Variants in PCDHA5 observed in about 807,000 individuals in gnomAD.
PCDHA5 encodes the protein protocadherin alpha 5.
In PCDHA5, 43 loss-of-function variants were observed where a neutral mutation model predicts 61.6. The observed-to-expected ratio is 0.70, with a 90% CI of 0.55 to 0.90. The LOEUF is 0.90. Among genes scored for constraint, PCDHA5 ranks in the 40% least tolerant of loss-of-function variants. The pLI, the probability that PCDHA5 is intolerant of heterozygous loss-of-function variation, is 0.00. For missense variants in PCDHA5, 1,298 were observed against 1,222.7 expected (o/e 1.06, Z -0.92); for synonymous variants, 627 against 543.9 (o/e 1.15, Z -2.13).
At chr5:140,835,660 C>T (rs1773814607) in intron 1 of PCDHA5, 8 of 1,613,932 alleles carry the variant, frequency 5.0e-6, no homozygotes, top group Middle Eastern at 1.7e-4. Flanking sequence ...CTGGTGGTTA[C>T]CGCGCGGGAC....
rs1317473064 is a variant in PCDHA5 at position 140,823,864 on chromosome 5, G to A, written c.2089G>A (p.Val697Met). 3 of 1,613,884 alleles carry A rather than the reference G, an allele frequency of 1.9e-6. No homozygotes were observed. Among genetic ancestry groups the A allele is most frequent in the African/African-American group, 1.3e-5 (1 of 75,056 alleles). Residue 697 changes from valine (V) to methionine (M), a missense_variant, in exon 1 of 4, where the codon GTG becomes ATG. By Grantham distance (21) the Val-to-Met change is conservative. Transcript: ENST00000529859. ...GPEAALVDVN[V>M]YLIIAICAVS... ...CGAGGCTGCCCTGGTGGATGTCAACGTGTACCTGATCATCGCCATCTGTGC... is the reference window on the plus strand; with the variant it reads ...CGAGGCTGCCCTGGTGGATGTCAACATGTACCTGATCATCGCCATCTGTGC...
chr5:140,836,692 T>C (rs1554136233), intron 1 of PCDHA5: 3 of 1,613,418 alleles, frequency 1.9e-6, no homozygotes, highest in Non-Finnish European at 2.5e-6. Flanking sequence ...ACAGACCTCA[T>C]GGCCTTCAGT....
chr5:140,877,409 G>C lies in PCDHA5; in HGVS notation c.2352+53282G>C, dbSNP rs782157769. The C allele has an allele frequency of 8.1e-6, 13 of 1,613,802 alleles. No homozygotes were observed. The highest frequency in any genetic ancestry group is 1.0e-5 in the Non-Finnish European group (12 of 1,179,880). Reference sequence around the variant, plus strand: ...GATGAGGCGGACGCTCCGCGCCACCGCCTGCTGGTGCTGGTGAAGGACCAC... The same window carrying C: ...GATGAGGCGGACGCTCCGCGCCACCCCCTGCTGGTGCTGGTGAAGGACCAC... On this transcript the variant is annotated intron_variant, in intron 1 of 3. Transcript: ENST00000529859.
intron 1 of PCDHA5, chr5:140,841,825 A>G (rs1422577295): frequency 5.0e-6 from 8 of 1,613,926 alleles, no homozygotes; most frequent in Non-Finnish European, 6.8e-6. Context: ...ACTCCGTGTT[A>G]ACCTACAGGC....
At chr5:140,917,127 C>T (rs1286418907) in intron 1 of PCDHA5, among the ~76,000 whole-genome samples, 1 of 152,072 alleles carries the variant, frequency 6.6e-6, no homozygotes, top group African/African-American at 2.4e-5. Context: ...CGCAGACTCC[C>T]CACGTTGCTC....
intron 1 of PCDHA5, chr5:140,836,749 A>G (rs2150269159): frequency 6.3e-7 from 1 of 1,585,374 alleles, no homozygotes; most frequent in Middle Eastern, 1.7e-4. Context: ...GTGAGTCATA[A>G]ATAATCTTGT....
intron 1 of PCDHA5, among the ~76,000 whole-genome samples, chr5:140,941,192 TTTC>T (rs1447153939): frequency 7.0e-5 from 7 of 99,658 alleles, no homozygotes; most frequent in Admixed American, 1.0e-4. Flanking sequence ...CTTCTTTTTT[TTTC>T]TTTCTTCCTT....
In PCDHA5 at chr5:140,836,728, C is replaced by G. The variant is rs1286648701; in HGVS notation, c.2352+12601C>G. The stretch of plus-strand genomic sequence containing the variant: ...CCCAGCCTTCCTCAGGGTCCATCCT[C>G]TACAGACAATGTGAGTCATAAATAA... On this transcript the variant is annotated intron_variant, in intron 1 of 3. Transcript: ENST00000529859. 5 of 1,610,268 alleles carry G rather than the reference C, an allele frequency of 3.1e-6. No individual in the cohort carries two copies. The African/African-American group carries it at 5.4e-5, about 17-fold the overall frequency.
At chr5:140,923,165 A>G (rs1307354165) in intron 1 of PCDHA5, among the ~76,000 whole-genome samples, 1 of 152,148 alleles carries the variant, frequency 6.6e-6, no homozygotes. Context: ...AGAAAGATAA[A>G]TTTTTGTTCA....
intron 1 of PCDHA5, among the ~76,000 whole-genome samples, chr5:140,896,682 C>A (rs573518532): frequency 6.6e-6 from 1 of 152,124 alleles, no homozygotes; most frequent in African/African-American, 2.4e-5. Flanking sequence ...CGGCCCTTTG[C>A]CCATTTTTTG....
chr5:140,880,848 T>C (rs557784006), intron 1 of PCDHA5, among the ~76,000 whole-genome samples: 31 of 152,258 alleles, frequency 2.0e-4, no homozygotes, highest in African/African-American at 7.0e-4. Flanking sequence ...TGGTTGACTA[T>C]GTAGTCTAAT....
intron 1 of PCDHA5, chr5:140,830,277 A>G (rs1770951301): frequency 6.2e-7 from 1 of 1,613,766 alleles, no homozygotes; most frequent in Non-Finnish European, 8.5e-7. Flanking sequence ...CCACCCACCG[A>G]GGGCGCGTGC....
intron 3 of PCDHA5, among the ~76,000 whole-genome samples, chr5:141,002,682 G>C (rs536105955): frequency 6.6e-6 from 1 of 152,140 alleles, no homozygotes; most frequent in African/African-American, 2.4e-5. Context: ...CCTATACGAC[G>C]TGCAGATTTG....
At chr5:140,977,831 T>C (rs987042342) in intron 1 of PCDHA5, among the ~76,000 whole-genome samples, 3 of 152,240 alleles carry the variant, frequency 2.0e-5, no homozygotes, top group Admixed American at 1.3e-4. Flanking sequence ...AATGGTCTAT[T>C]GATATTACTA....
intron 1 of PCDHA5, chr5:140,841,522 G>A (rs2150317350): frequency 6.2e-7 from 1 of 1,613,598 alleles, no homozygotes; most frequent in South Asian, 1.1e-5. Flanking sequence ...TCCGGGTGGC[G>A]TCCAAAAGAC....
chr5:140,948,267 A>C (rs964252489), intron 1 of PCDHA5, among the ~76,000 whole-genome samples: 1 of 151,646 alleles, frequency 6.6e-6, no homozygotes, highest in South Asian at 2.1e-4. Context: ...GTGTTCATGT[A>C]GAATATCTGT....
chr5:140,841,872 C>T (rs147561890), intron 1 of PCDHA5: 4 of 1,613,678 alleles, frequency 2.5e-6, no homozygotes, highest in Non-Finnish European at 3.4e-6. Context: ...GATGTGAATT[C>T]AAAGAACGAT....
intron 1 of PCDHA5, among the ~76,000 whole-genome samples, chr5:140,895,476 G>A (rs928938592): frequency 6.6e-6 from 1 of 152,074 alleles, no homozygotes; most frequent in Non-Finnish European, 1.5e-5. Context: ...ATCCTCTTCG[G>A]AGAAATACCT....
intron 1 of PCDHA5, chr5:140,828,598 C>A (rs2150157215): frequency 1.9e-5 from 30 of 1,614,080 alleles, no homozygotes; most frequent in Non-Finnish European, 2.3e-5. Context: ...CCATCTTAAC[C>A]TATAAACTCA....
Sources: gnomAD v4.1 joint callset for allele counts (sites outside exome capture counted in the v4.1 genomes callset) on GRCh38, gnomAD v4.1.1 for gene constraint, MANE v1.5 for transcripts, NCBI Gene and HGNC (gene_info 2026-07-23, HGNC 2026-07-21) for gene names.